The following AUTS2 variants were observed in gnomAD, a reference collection of about 807,000 sequenced individuals.
AUTS2 encodes autism susceptibility gene 2 protein.
A neutral mutation model predicts 112.4 loss-of-function variants in AUTS2; 17 were observed. The observed-to-expected ratio is 0.15, with a 90% CI of 0.10 to 0.23. The LOEUF (loss-of-function observed/expected upper bound fraction) is 0.23. AUTS2 is among the 10% of genes least tolerant of loss of function. The pLI, the probability that AUTS2 is intolerant of heterozygous loss-of-function variation, is 1.00. For synonymous variants in AUTS2, 751 were observed against 702.7 expected (o/e 1.07, Z -1.09); for missense variants, 1,510 against 1,701.6 (o/e 0.89, Z 1.98).
chr7:69,972,832 C>T (rs1302414444), intron 2 of AUTS2, among the ~76,000 whole-genome samples: 1 of 152,070 alleles, frequency 6.6e-6, no homozygotes, highest in African/African-American at 2.4e-5. Context: ...TTGGGTTTCT[C>T]TATTCCTCAA....
At chr7:70,465,731 A>C (rs1481590691) in intron 5 of AUTS2, among the ~76,000 whole-genome samples, 1 of 152,134 alleles carries the variant, frequency 6.6e-6, no homozygotes, top group African/African-American at 2.4e-5. Flanking sequence ...TAGTTTCCCT[A>C]GACATACAAC....
At chr7:70,079,275 A>G (rs1339855944) in intron 2 of AUTS2, among the ~76,000 whole-genome samples, 2 of 152,174 alleles carry the variant, frequency 1.3e-5, no homozygotes, top group African/African-American at 4.8e-5. Context: ...ATAAGAACCA[A>G]TTAAGTTTTC....
chr7:69,898,951 TC>T, intron 1 of AUTS2, among the ~76,000 whole-genome samples: 1 of 152,292 alleles, frequency 6.6e-6, no homozygotes, highest in Admixed American at 6.5e-5. Context: ...GTATTGCACT[TC>T]CTTGGGGAAG....
chr7:70,698,488 A>G, intron 5 of AUTS2, 81 bp from the exon 6 acceptor site: 1 of 1,242,188 alleles, frequency 8.1e-7, no homozygotes. Flanking sequence ...TAGTCAACTG[A>G]TTTAAAATAA....
At chr7:69,759,910 A>G (rs1446815371) in intron 1 of AUTS2, among the ~76,000 whole-genome samples, 2 of 151,342 alleles carry the variant, frequency 1.3e-5, no homozygotes, top group Non-Finnish European at 2.9e-5. Context: ...GTCCTCTAGA[A>G]GATCCCGTAC....
chr7:70,632,669 CT>C (rs1156320141), intron 5 of AUTS2, among the ~76,000 whole-genome samples: 1 of 152,104 alleles, frequency 6.6e-6, no homozygotes. Flanking sequence ...CCTAAGAGTG[CT>C]CTCTGAATCT....
At position 70,778,570 on chromosome 7, in the gene AUTS2, CT is replaced by C. The variant is rs1234769196; in HGVS notation, c.2004+1397del. 2.7e-5 allele frequency among the ~76,000 whole-genome samples: 2 copies of C among 72,872 alleles called. 1 individual carries two copies. The highest frequency in any genetic ancestry group is 1.1e-3 in the South Asian group (2 of 1,896). The allele number at this position is 72,872 out of a possible 152,430, so 47.8% of individuals were successfully genotyped here. On this transcript the variant is annotated intron_variant, in intron 14 of 18. Coordinates refer to ENST00000342771, the MANE Select transcript of AUTS2 (RefSeq NM_015570.4). ...TGGGCAACATAGCAAGATCTCATCTCTAAAAAAAAAAAAAGAGTAAAAAATA... is the reference window on the plus strand; with the variant it reads ...TGGGCAACATAGCAAGATCTCATCTCAAAAAAAAAAAAAGAGTAAAAAATA...
intron 4 of AUTS2, among the ~76,000 whole-genome samples, chr7:70,332,238 A>T (rs1452388309): frequency 1.3e-5 from 2 of 152,222 alleles, no homozygotes; most frequent in Non-Finnish European, 2.9e-5. Context: ...TAAAATACCT[A>T]GGAATACAGC....
chr7:69,789,197 G>A (rs1789508194), intron 1 of AUTS2, among the ~76,000 whole-genome samples: 1 of 152,128 alleles, frequency 6.6e-6, no homozygotes, highest in South Asian at 2.1e-4. Context: ...GGGTTTGCTT[G>A]TGTGGACAAT....
At chr7:70,065,902 G>A (rs13242485) in intron 2 of AUTS2, among the ~76,000 whole-genome samples, 38,204 of 151,782 alleles carry the variant, frequency 0.25, 4,787 homozygotes, top group Middle Eastern at 0.34. Flanking sequence ...GAGAGGGAGC[G>A]TTGCTTTGTT....
At chr7:70,380,221 CTT>C (rs1398421942) in intron 4 of AUTS2, among the ~76,000 whole-genome samples, 10 of 152,200 alleles carry the variant, frequency 6.6e-5, no homozygotes, top group Admixed American at 6.5e-4. Context: ...ATTCTCTCCT[CTT>C]TTCTGATTAA....
intron 4 of AUTS2, among the ~76,000 whole-genome samples, chr7:70,429,003 G>T (rs1159819096): frequency 2.0e-5 from 3 of 152,056 alleles, no homozygotes; most frequent in Admixed American, 6.5e-5. Flanking sequence ...TCTTTTTTCT[G>T]AGCCTTTTAA....
In AUTS2 at chr7:70,752,781, C is replaced by CTTT. The variant is rs1444780243; in HGVS notation, c.743-10089_743-10088insTTT. On this transcript the variant is annotated intron_variant, in intron 6 of 18. Coordinates refer to ENST00000342771, the MANE Select transcript of AUTS2 (RefSeq NM_015570.4). ...CATACCCACCCCCAATAGATCACAA[C>CTTT]CTATTTCTCTCATTCTAATGTTGGT... Among the ~76,000 whole-genome samples, 8 of 152,306 alleles carry CTTT rather than the reference C, an allele frequency of 5.3e-5. No individual in the cohort carries two copies. In the East Asian group the frequency reaches 1.5e-3, roughly 29 times the overall value.
chr7:70,126,409 A>T (rs1805973093), intron 3 of AUTS2, among the ~76,000 whole-genome samples: 1 of 151,934 alleles, frequency 6.6e-6, no homozygotes, highest in Non-Finnish European at 1.5e-5. Context: ...ACTCTGTCTT[A>T]AAAAAAAGAA....
chr7:69,807,155 T>C (rs1209606719), intron 1 of AUTS2, among the ~76,000 whole-genome samples: 3 of 152,190 alleles, frequency 2.0e-5, no homozygotes, highest in Non-Finnish European at 4.4e-5. Context: ...ATGAGCACAA[T>C]CTAATTTTGT....
chr7:70,787,949 A>G (rs1420339423), intron 18 of AUTS2, among the ~76,000 whole-genome samples: 5 of 152,114 alleles, frequency 3.3e-5, no homozygotes, highest in African/African-American at 2.4e-5. Context: ...TTTTACTCAC[A>G]TAGATGTAGA....
intron 1 of AUTS2, among the ~76,000 whole-genome samples, chr7:69,693,295 C>T (rs1293708087): frequency 6.6e-6 from 1 of 152,198 alleles, no homozygotes; most frequent in Non-Finnish European, 1.5e-5. Context: ...AGCCCATTTC[C>T]CCATTCTGGG....
At chr7:70,741,617 G>T (rs568955634) in intron 6 of AUTS2, among the ~76,000 whole-genome samples, 3 of 151,854 alleles carry the variant, frequency 2.0e-5, no homozygotes, top group African/African-American at 7.3e-5. Context: ...CTTGAACCCG[G>T]GAGGCGGAGG....
intron 4 of AUTS2, among the ~76,000 whole-genome samples, chr7:70,257,431 C>A (rs903932454): frequency 2.6e-5 from 4 of 152,164 alleles, no homozygotes; most frequent in African/African-American, 4.8e-5. Context: ...CATTTTCCCA[C>A]CTAAGCCTTC....
Sources: allele counts gnomAD v4.1 joint callset (sites outside exome capture counted in the v4.1 genomes callset), GRCh38; gene constraint gnomAD v4.1.1; transcripts MANE v1.5; gene names NCBI Gene and HGNC (gene_info 2026-07-23, HGNC 2026-07-21).